RCAN1: variants seen among roughly 807,000 people sequenced by gnomAD.
The protein encoded by RCAN1 is regulator of calcineurin 1.
A neutral mutation model predicts 22.9 loss-of-function variants in RCAN1; 11 were observed. The observed-to-expected ratio is 0.48, with a 90% CI of 0.30 to 0.79. RCAN1 has a LOEUF of 0.79. Among genes scored for constraint, RCAN1 ranks in the 30% least tolerant of loss-of-function variants. The probability of loss-of-function intolerance (pLI) is 0.06; values close to 1 mark genes in which losing one functional copy is unlikely to be tolerated. For missense variants in RCAN1, 291 were observed against 337.8 expected, an observed-to-expected ratio of 0.86 and a Z score of 1.09; for synonymous variants, 136 against 142.3, an observed-to-expected ratio of 0.96 and a Z score of 0.32.
At chr21:34,587,830 C>A (rs959146690) in intron 1 of RCAN1, among the ~76,000 whole-genome samples, 5 of 152,114 alleles carry the variant, frequency 3.3e-5, no homozygotes, top group Admixed American at 3.3e-4. Flanking sequence ...CTGGATGTTT[C>A]TGTGCAGGTG....
intron 1 of RCAN1, among the ~76,000 whole-genome samples, chr21:34,606,233 T>C (rs1988522476): frequency 6.6e-6 from 1 of 152,162 alleles, no homozygotes; most frequent in African/African-American, 2.4e-5. Flanking sequence ...ACAGTGACCT[T>C]TTTCAGCACA....
intron 1 of RCAN1, among the ~76,000 whole-genome samples, chr21:34,593,559 C>T (rs75084336): frequency 2.0e-5 from 3 of 152,316 alleles, no homozygotes; most frequent in Non-Finnish European, 4.4e-5. Flanking sequence ...ATGCATGGAC[C>T]CACTTGGCCT....
chr21:34,544,266 A>G (rs1178304906), intron 1 of RCAN1, among the ~76,000 whole-genome samples: 1 of 152,218 alleles, frequency 6.6e-6, no homozygotes, highest in Non-Finnish European at 1.5e-5. Context: ...GTGAACACTT[A>G]AAAGGGACCG....
chr21:34,604,931 T>G (rs547830933), intron 1 of RCAN1, among the ~76,000 whole-genome samples: 25 of 152,368 alleles, frequency 1.6e-4, no homozygotes, highest in Admixed American at 5.2e-4. Context: ...GTCTGCCTGG[T>G]GCCAGTGTCC....
chr21:34,562,583 A>G (rs1986831925), intron 1 of RCAN1, among the ~76,000 whole-genome samples: 1 of 152,212 alleles, frequency 6.6e-6, no homozygotes, highest in African/African-American at 2.4e-5. Flanking sequence ...TACTTTCAAA[A>G]GGACACTTTC....
chr21:34,576,275 G>A (rs1987408377), intron 1 of RCAN1, among the ~76,000 whole-genome samples: 2 of 152,174 alleles, frequency 1.3e-5, no homozygotes, highest in African/African-American at 4.8e-5. Context: ...AAGTCACAGA[G>A]CTCTGCAGGT....
intron 1 of RCAN1, among the ~76,000 whole-genome samples, chr21:34,562,670 C>CA (rs1986836164): frequency 1.3e-5 from 2 of 152,204 alleles, no homozygotes; most frequent in Non-Finnish European, 2.9e-5. Context: ...TACCCAGGAT[C>CA]AAATCCCAGA....
rs1366241052 is a variant in RCAN1 at position 34,614,738 on chromosome 21, G to A, written c.252+22C>T. On this transcript the variant is annotated intron_variant, in intron 1 of 3. Coordinates refer to ENST00000313806, the MANE Select transcript of RCAN1 (RefSeq NM_004414.7). This position sits in a 1 kb window ranked among gnomAD's most constrained non-coding sequence, Gnocchi z 6.0. ...CAAGTGTCCGCCCTCCGCCCCGACGGCCCGCCCGGCGCGGTCCTCACCCGG... is the reference window on the plus strand; with the variant it reads ...CAAGTGTCCGCCCTCCGCCCCGACGACCCGCCCGGCGCGGTCCTCACCCGG... 7.8e-6 allele frequency: 11 copies of A among 1,408,440 alleles called. No homozygotes were observed. In the Admixed American group the frequency reaches 1.3e-4, roughly 17 times the overall value. The allele number at this position is 1,408,440 out of a possible 1,614,324, so 87.2% of individuals were successfully genotyped here.
chr21:34,552,297 G>A (rs1986397937), intron 1 of RCAN1, among the ~76,000 whole-genome samples: 1 of 152,204 alleles, frequency 6.6e-6, no homozygotes, highest in Admixed American at 6.5e-5. Context: ...TCTACTCAAG[G>A]AGAATTTTCA....
chr21:34,564,405 T>C (rs1375560211), intron 1 of RCAN1, among the ~76,000 whole-genome samples: 3 of 152,052 alleles, frequency 2.0e-5, no homozygotes, highest in Admixed American at 1.3e-4. Context: ...CACTGTCCCA[T>C]AAGAACTGTG....
chr21:34,583,217 C>T (rs1347809346), intron 1 of RCAN1, among the ~76,000 whole-genome samples: 1 of 139,546 alleles, frequency 7.2e-6, no homozygotes, highest in East Asian at 2.2e-4. Context: ...TCACTCTTGT[C>T]GCCCAGGCTA....
rs188350875 is a variant in RCAN1 at position 34,572,748 on chromosome 21, G to A, written c.252+42012C>T. 2.3e-4 allele frequency among the ~76,000 whole-genome samples: 35 copies of A among 152,242 alleles called. 1 individual carries two copies. Among genetic ancestry groups the A allele is most frequent in the Admixed American group, 1.9e-3 (29 of 15,278 alleles). Reference sequence around the variant, plus strand: ...AAGAAAAGAGGTTGAATGGACTCACGGTTCCACAGGCTGTACAGGAAGCAT... The same window carrying A: ...AAGAAAAGAGGTTGAATGGACTCACAGTTCCACAGGCTGTACAGGAAGCAT... On this transcript the variant is annotated intron_variant, in intron 1 of 3. Coordinates refer to ENST00000313806, the MANE Select transcript of RCAN1 (RefSeq NM_004414.7).
intron 1 of RCAN1, among the ~76,000 whole-genome samples, chr21:34,539,458 A>G (rs901904764): frequency 2.0e-5 from 3 of 152,232 alleles, no homozygotes; most frequent in Non-Finnish European, 2.9e-5. Context: ...TATGTGTGAT[A>G]GTATTAGAAG....
chr21:34,572,935 G>C (rs760477096), intron 1 of RCAN1, among the ~76,000 whole-genome samples: 1 of 152,082 alleles, frequency 6.6e-6, no homozygotes, highest in Non-Finnish European at 1.5e-5. Flanking sequence ...AATAGCAAGG[G>C]GGGAATCTAC....
intron 1 of RCAN1, among the ~76,000 whole-genome samples, chr21:34,534,794 G>A (rs1344837815): frequency 6.6e-6 from 1 of 152,238 alleles, no homozygotes; most frequent in African/African-American, 2.4e-5. Context: ...CCACATGTGT[G>A]CTCTGTGGGT....
At chr21:34,539,507 T>C (rs997939903) in intron 1 of RCAN1, among the ~76,000 whole-genome samples, 2 of 152,250 alleles carry the variant, frequency 1.3e-5, no homozygotes, top group African/African-American at 4.8e-5. Context: ...GGATTTGGAT[T>C]ATTTAGATTC....
In RCAN1 at chr21:34,615,018, G is replaced by C. The variant is rs1057187135; in HGVS notation, c.-7C>G. 9.5e-7 allele frequency: 1 copy of C among 1,053,226 alleles called. No homozygotes were observed. The allele number at this position is 1,053,226 out of a possible 1,614,324, so 65.2% of individuals were successfully genotyped here. On this transcript the variant is annotated 5_prime_UTR_variant, in exon 1 of 4. Transcript: ENST00000313806. ...CGGCCACGCCGTCCTCCATCCCCGCGCCCGCGCGACCCTGTGCGCCCCAGC... is the reference window on the plus strand; with the variant it reads ...CGGCCACGCCGTCCTCCATCCCCGCCCCCGCGCGACCCTGTGCGCCCCAGC...
chr21:34,612,523 T>C (rs73900533), intron 1 of RCAN1, among the ~76,000 whole-genome samples: 1,529 of 152,296 alleles, frequency 0.01, 28 homozygotes, highest in African/African-American at 0.034. Flanking sequence ...GTAAGTCCCC[T>C]TTATCCACAC....
At chr21:34,610,618 T>C (rs1418017318) in intron 1 of RCAN1, among the ~76,000 whole-genome samples, 1 of 152,192 alleles carries the variant, frequency 6.6e-6, no homozygotes, top group African/African-American at 2.4e-5. Context: ...CTTCAGACAA[T>C]GGTTCCCAAC....
Sources: gnomAD v4.1 joint callset for allele counts (sites outside exome capture counted in the v4.1 genomes callset) on GRCh38, gnomAD v4.1.1 for gene constraint, Gnocchi (gnomAD v3.1) non-coding constraint, MANE v1.5 for transcripts, NCBI Gene and HGNC (gene_info 2026-07-23, HGNC 2026-07-21) for gene names.